POLR3B: variants seen among roughly 807,000 people sequenced by gnomAD.
The protein encoded by POLR3B is DNA-directed RNA polymerase III subunit RPC2.
In POLR3B, 96 loss-of-function variants were observed where a neutral mutation model predicts 147.4. That is an observed-to-expected ratio of 0.65 (90% CI 0.55 to 0.77). The LOEUF (loss-of-function observed/expected upper bound fraction) is 0.77, where lower values mean the gene tolerates loss of function less well. POLR3B is among the 30% of genes least tolerant of loss of function. The pLI, the probability that POLR3B is intolerant of heterozygous loss-of-function variation, is 0.00. For missense variants in POLR3B, 1,036 were observed against 1,413.5 expected (o/e 0.73, Z 4.28); for synonymous variants, 461 against 485.9 (o/e 0.95, Z 0.67).
chr12:106,437,135 AG>A lies in POLR3B; in HGVS notation c.1856+5del, dbSNP rs1462810012. ...AAGAGCTGGCCCAAGGGTACAGGTAAGTAGCCAAAAGTAAAACTTACCAATC... is the reference window on the plus strand; with the variant it reads ...AAGAGCTGGCCCAAGGGTACAGGTAATAGCCAAAAGTAAAACTTACCAATC... On this transcript the variant is annotated splice_donor_5th_base_variant and intron_variant, in intron 17 of 27. Coordinates refer to ENST00000228347, the MANE Select transcript of POLR3B (RefSeq NM_018082.6). 2.5e-6 allele frequency: 4 copies of A among 1,597,294 alleles called. No individual in the cohort carries two copies. The highest frequency in any genetic ancestry group is 3.4e-6 in the Non-Finnish European group (4 of 1,165,516).
intron 1 of POLR3B, 23 bp from the exon 2 acceptor site, chr12:106,363,847 A>T: frequency 1.3e-6 from 2 of 1,594,262 alleles, no homozygotes; most frequent in Non-Finnish European, 1.7e-6. Flanking sequence ...GAGTTCTGAT[A>T]TTCTTCTTGT....
intron 23 of POLR3B, among the ~76,000 whole-genome samples, chr12:106,477,818 C>T (rs61941943): frequency 0.2 from 30,069 of 150,706 alleles, 3,142 homozygotes; most frequent in Non-Finnish European, 0.22. Context: ...AGAAATCACC[C>T]GTCTTCTGCG....
At chr12:106,482,619 C>A (rs2038284168) in intron 23 of POLR3B, among the ~76,000 whole-genome samples, 1 of 152,144 alleles carries the variant, frequency 6.6e-6, no homozygotes, top group Non-Finnish European at 1.5e-5. Flanking sequence ...TCTCCTCCCA[C>A]CAGGTTCTTC....
chr12:106,379,051 T>G (rs1279368957), intron 8 of POLR3B, among the ~76,000 whole-genome samples: 2 of 152,204 alleles, frequency 1.3e-5, no homozygotes, highest in Non-Finnish European at 2.9e-5. Context: ...TTCTTTCTGA[T>G]GGAGAGGCAG....
At chr12:106,365,444 T>A (rs933810239) in intron 2 of POLR3B, among the ~76,000 whole-genome samples, 30 of 152,178 alleles carry the variant, frequency 2.0e-4, no homozygotes, top group African/African-American at 7.0e-4. Flanking sequence ...GGATTTGAAC[T>A]CCTGAGTTTG....
intron 10 of POLR3B, among the ~76,000 whole-genome samples, chr12:106,405,421 T>C (rs1304602074): frequency 6.6e-6 from 1 of 152,092 alleles, no homozygotes; most frequent in Non-Finnish European, 1.5e-5. Context: ...AGCACTGTTT[T>C]GTAGCTTTCA....
intron 23 of POLR3B, among the ~76,000 whole-genome samples, chr12:106,494,627 T>C (rs778113560): frequency 5.3e-5 from 8 of 152,202 alleles, no homozygotes; most frequent in Non-Finnish European, 1.0e-4. Context: ...GTCAGATAAT[T>C]TCAGTGTGGA....
intron 18 of POLR3B, among the ~76,000 whole-genome samples, 182 bp from the exon 19 acceptor site, chr12:106,444,281 A>G (rs574969863): frequency 6.6e-6 from 1 of 152,250 alleles, no homozygotes; most frequent in South Asian, 2.1e-4. Context: ...GTTAATTACA[A>G]TTTCTTATGT....
intron 23 of POLR3B, among the ~76,000 whole-genome samples, chr12:106,471,545 A>G (rs2038093016): frequency 6.6e-6 from 1 of 151,994 alleles, no homozygotes; most frequent in African/African-American, 2.4e-5. Flanking sequence ...TGTCTTCTGC[A>G]TCAATCTCCC....
intron 1 of POLR3B, among the ~76,000 whole-genome samples, chr12:106,361,987 C>G (rs544048552): frequency 6.6e-6 from 1 of 152,144 alleles, no homozygotes; most frequent in African/African-American, 2.4e-5. Context: ...AGAGTCCTGA[C>G]TATAACGGAA....
intron 18 of POLR3B, among the ~76,000 whole-genome samples, chr12:106,438,439 A>G (rs2037606500): frequency 6.6e-6 from 1 of 151,952 alleles, no homozygotes; most frequent in Non-Finnish European, 1.5e-5. Flanking sequence ...ATAGAAAGAT[A>G]TATCCATATA....
intron 10 of POLR3B, among the ~76,000 whole-genome samples, chr12:106,401,177 C>G (rs186645656): frequency 6.6e-5 from 10 of 152,286 alleles, no homozygotes; most frequent in African/African-American, 2.4e-4. Context: ...AAACTACCAT[C>G]AGAGAATACT....
intron 22 of POLR3B, among the ~76,000 whole-genome samples, chr12:106,460,036 T>A (rs1183154125): frequency 1.3e-5 from 2 of 152,138 alleles, no homozygotes; most frequent in East Asian, 3.9e-4. Flanking sequence ...AGGCTGAGTT[T>A]AGGAGGTGGC....
chr12:106,449,443 G>A (rs1392529072), intron 19 of POLR3B, among the ~76,000 whole-genome samples: 2 of 152,166 alleles, frequency 1.3e-5, no homozygotes, highest in African/African-American at 2.4e-5. Flanking sequence ...GAAAATCTGT[G>A]TATAACTTTT....
At chr12:106,496,205 G>A in intron 24 of POLR3B, 47 bp downstream of exon 24, 1 of 1,152,342 alleles carries the variant, frequency 8.7e-7, no homozygotes, top group Admixed American at 1.7e-5. Context: ...TAAGGAAGAA[G>A]CAGGCAGTTA....
intron 19 of POLR3B, among the ~76,000 whole-genome samples, chr12:106,453,444 A>C (rs746048670): frequency 6.6e-6 from 1 of 152,088 alleles, no homozygotes; most frequent in Non-Finnish European, 1.5e-5. Context: ...GTGAAATGGC[A>C]CTTAGGTACT....
chr12:106,453,676 AC>A (rs2137026976), intron 19 of POLR3B, among the ~76,000 whole-genome samples: 1 of 152,200 alleles, frequency 6.6e-6, no homozygotes, highest in African/African-American at 2.4e-5. Flanking sequence ...AGCCGAGGAG[AC>A]TGAAAGACTC....
intron 27 of POLR3B, among the ~76,000 whole-genome samples, chr12:106,508,043 A>C (rs2038717222): frequency 6.6e-6 from 1 of 152,184 alleles, no homozygotes; most frequent in African/African-American, 2.4e-5. Flanking sequence ...CCATACACTT[A>C]CAAAACTTGT....
intron 21 of POLR3B, among the ~76,000 whole-genome samples, chr12:106,458,128 A>T (rs552189798): frequency 6.6e-6 from 1 of 152,060 alleles, no homozygotes; most frequent in African/African-American, 2.4e-5. Context: ...TTATTTTATT[A>T]ATTTTATTTT....
Sources: gnomAD v4.1 joint callset for allele counts (sites outside exome capture counted in the v4.1 genomes callset) on GRCh38, gnomAD v4.1.1 for gene constraint, MANE v1.5 for transcripts, NCBI Gene and HGNC (gene_info 2026-07-23, HGNC 2026-07-21) for gene names.